GRB14: variants seen among roughly 807,000 people sequenced by gnomAD.
The protein encoded by GRB14 is growth factor receptor bound protein 14.
In GRB14, 38 loss-of-function variants were observed where a neutral mutation model predicts 69.1. The ratio of observed to expected loss-of-function variants is 0.55; its 90% CI spans 0.42 to 0.72. The LOEUF (loss-of-function observed/expected upper bound fraction) is 0.72. Among genes scored for constraint, GRB14 ranks in the 30% least tolerant of loss-of-function variants. GRB14 has a pLI of 0.00. For synonymous variants in GRB14, 247 were observed against 241.3 expected, an observed-to-expected ratio of 1.02 and a Z score of -0.22; for missense variants, 666 against 666.1, an observed-to-expected ratio of 1.00 and a Z score of 0.00.
At chr2:164,541,490 A>AAAT (rs987437517) in intron 3 of GRB14, among the ~76,000 whole-genome samples, 6 of 151,062 alleles carry the variant, frequency 4.0e-5, no homozygotes, top group East Asian at 1.9e-4. Context: ...TAATAATAAT[A>AAAT]AATAATAATA....
intron 3 of GRB14, among the ~76,000 whole-genome samples, chr2:164,531,831 C>T (rs1447921187): frequency 1.3e-5 from 2 of 152,144 alleles, no homozygotes; most frequent in Non-Finnish European, 1.5e-5. Context: ...TGGCTCAAAT[C>T]AGAGCATAGA....
chr2:164,592,447 T>A (rs999105139), intron 2 of GRB14, among the ~76,000 whole-genome samples: 1 of 152,146 alleles, frequency 6.6e-6, no homozygotes, highest in African/African-American at 2.4e-5. Context: ...CATGGGTATG[T>A]CTTTATCAGC....
chr2:164,589,260 A>T (rs185414997), intron 2 of GRB14, among the ~76,000 whole-genome samples: 22 of 152,298 alleles, frequency 1.4e-4, no homozygotes, highest in Admixed American at 1.2e-3. Context: ...CTACAATAAT[A>T]CTTTATTTAT....
intron 2 of GRB14, among the ~76,000 whole-genome samples, chr2:164,581,673 G>A (rs1689408140): frequency 6.6e-6 from 1 of 152,170 alleles, no homozygotes; most frequent in Non-Finnish European, 1.5e-5. Flanking sequence ...ATAAATATGT[G>A]TTGTTTTAAG....
chr2:164,516,485 A>G (rs1687489327), intron 6 of GRB14, among the ~76,000 whole-genome samples: 1 of 151,042 alleles, frequency 6.6e-6, no homozygotes, highest in Non-Finnish European at 1.5e-5. Context: ...ATACTCAAAG[A>G]AAAAGAAAAA....
Position 164,499,842 on chromosome 2 carries a change from C to A in GRB14, c.1105-2352G>T, listed in dbSNP as rs113999056. Among the ~76,000 whole-genome samples the A allele has an allele frequency of 6.9e-3, 1,053 of 152,176 alleles. 7 individuals are homozygous for A. Among genetic ancestry groups the A allele is most frequent in the African/African-American group, 0.023 (952 of 41,536 alleles). On this transcript the variant is annotated intron_variant, in intron 9 of 13. Transcript: ENST00000263915. ...GTGCCATCATTAGCAAAAGGGCACA[C>A]AATTTCTTCAGATATTTTTCTCTCA...
intron 2 of GRB14, among the ~76,000 whole-genome samples, chr2:164,548,696 T>C (rs1425049176): frequency 1.3e-5 from 2 of 152,172 alleles, no homozygotes; most frequent in Non-Finnish European, 2.9e-5. Context: ...TAGCATTCCC[T>C]TTTTTCTACA....
chr2:164,559,324 G>T (rs1357947668), intron 2 of GRB14, among the ~76,000 whole-genome samples: 1 of 151,604 alleles, frequency 6.6e-6, no homozygotes, highest in Non-Finnish European at 1.5e-5. Flanking sequence ...AGTTATTGGG[G>T]TACAGGTGGT....
intron 8 of GRB14, among the ~76,000 whole-genome samples, chr2:164,507,555 T>C (rs957330027): frequency 1.3e-5 from 2 of 152,142 alleles, no homozygotes; most frequent in Admixed American, 1.3e-4. Flanking sequence ...TTATAAAGAG[T>C]ACCTTAGAAA....
chr2:164,559,375 G>T (rs1406175997), intron 2 of GRB14, among the ~76,000 whole-genome samples: 1 of 152,082 alleles, frequency 6.6e-6, no homozygotes, highest in East Asian at 1.9e-4. Context: ...TGATTTGTGA[G>T]ATTTTGGTGC....
chr2:164,525,217 G>A (rs369961033), intron 4 of GRB14, 139 bp from the exon 5 acceptor site: 165 of 678,102 alleles, frequency 2.4e-4, no homozygotes, highest in African/African-American at 1.3e-3. Context: ...GAAAATGCCC[G>A]TCCTTAGACT....
chr2:164,528,413 T>C (rs987053557), intron 3 of GRB14, among the ~76,000 whole-genome samples: 6 of 152,116 alleles, frequency 3.9e-5, no homozygotes, highest in Admixed American at 3.9e-4. Context: ...TTTTACTGTT[T>C]CTAGGATGTT....
At chr2:164,562,045 T>A (rs1688842410) in intron 2 of GRB14, among the ~76,000 whole-genome samples, 1 of 152,194 alleles carries the variant, frequency 6.6e-6, no homozygotes, top group Non-Finnish European at 1.5e-5. Context: ...CAATCTTGCC[T>A]TTACAAAAAT....
chr2:164,596,096 C>G (rs1039983198), intron 2 of GRB14, among the ~76,000 whole-genome samples: 5 of 152,090 alleles, frequency 3.3e-5, no homozygotes, highest in African/African-American at 1.2e-4. Context: ...TGCACTCCAG[C>G]CTGATGACAG....
intron 1 of GRB14, 37 bp from the exon 2 acceptor site, chr2:164,619,856 A>G: frequency 6.5e-7 from 1 of 1,542,822 alleles, no homozygotes. Context: ...TTTACATAAA[A>G]CAGAATGTAA....
intron 2 of GRB14, among the ~76,000 whole-genome samples, chr2:164,571,289 G>A (rs576297136): frequency 1.3e-5 from 2 of 152,248 alleles, no homozygotes; most frequent in Non-Finnish European, 2.9e-5. Context: ...AAAAAACTAT[G>A]ACCAAAACTT....
chr2:164,537,812 C>T (rs925835015), intron 3 of GRB14, among the ~76,000 whole-genome samples: 1 of 152,102 alleles, frequency 6.6e-6, no homozygotes, highest in Non-Finnish European at 1.5e-5. Flanking sequence ...CTCCTGAAAG[C>T]CCAGAGGGTC....
At chr2:164,533,627 T>G (rs998789033) in intron 3 of GRB14, among the ~76,000 whole-genome samples, 3 of 152,236 alleles carry the variant, frequency 2.0e-5, no homozygotes, top group Non-Finnish European at 2.9e-5. Flanking sequence ...GATTTCAAAT[T>G]ATGTCAATCT....
intron 2 of GRB14, among the ~76,000 whole-genome samples, chr2:164,566,818 T>C (rs1212464317): frequency 6.6e-6 from 1 of 152,148 alleles, no homozygotes; most frequent in African/African-American, 2.4e-5. Context: ...AGACTGAAGA[T>C]ATTATTTACT....
Sources: gnomAD v4.1 joint callset for allele counts (sites outside exome capture counted in the v4.1 genomes callset) on GRCh38, gnomAD v4.1.1 for gene constraint, MANE v1.5 for transcripts, NCBI Gene and HGNC (gene_info 2026-07-23, HGNC 2026-07-21) for gene names.